The following MARCHF11 variants were observed in gnomAD, a reference collection of about 807,000 sequenced individuals.
MARCHF11 encodes the protein membrane associated ring-CH-type finger 11.
A neutral mutation model predicts 37.3 loss-of-function variants in MARCHF11; 29 were observed. The observed-to-expected ratio is 0.78, with a 90% CI of 0.58 to 1.06. The LOEUF is 1.06. Ranked by LOEUF, MARCHF11 falls within the 50% of genes least tolerant of loss-of-function variation. The pLI, the probability that MARCHF11 is intolerant of heterozygous loss-of-function variation, is 0.00. For synonymous variants in MARCHF11, 233 were observed against 228.0 expected, an observed-to-expected ratio of 1.02 and a Z score of -0.20; for missense variants, 482 against 533.4, an observed-to-expected ratio of 0.90 and a Z score of 0.95.
chr5:16,085,701 C>T (rs1579678533), intron 3 of MARCHF11, among the ~76,000 whole-genome samples: 1 of 151,934 alleles, frequency 6.6e-6, no homozygotes, highest in African/African-American at 2.4e-5. Context: ...GCCTGTAATG[C>T]CAGCACTTTG....
chr5:16,178,437 CTCATA>C (rs1321769206), intron 1 of MARCHF11, among the ~76,000 whole-genome samples: 2 of 152,206 alleles, frequency 1.3e-5, no homozygotes, highest in African/African-American at 4.8e-5. Context: ...CATGATTACT[CTCATA>C]TAAGTTTGCA....
At chr5:16,156,642 T>C (rs1737981170) in intron 2 of MARCHF11, among the ~76,000 whole-genome samples, 1 of 151,926 alleles carries the variant, frequency 6.6e-6, no homozygotes, top group African/African-American at 2.4e-5. Flanking sequence ...CAATATTTAA[T>C]AATAATATGG....
chr5:16,117,835 C>G (rs1271408100), intron 2 of MARCHF11, among the ~76,000 whole-genome samples: 1 of 152,228 alleles, frequency 6.6e-6, no homozygotes, highest in Admixed American at 6.5e-5. Context: ...TGCTCAGACA[C>G]TGCTGAAAAG....
chr5:16,081,743 G>T (rs75536484), intron 3 of MARCHF11, among the ~76,000 whole-genome samples: 4,133 of 152,268 alleles, frequency 0.027, 173 homozygotes, highest in African/African-American at 0.094. Context: ...TATTTGGTCT[G>T]CTGTTCTGCT....
At chr5:16,170,131 C>T (rs1275205098) in intron 2 of MARCHF11, among the ~76,000 whole-genome samples, 13 of 152,128 alleles carry the variant, frequency 8.5e-5, no homozygotes, top group Admixed American at 8.5e-4. Context: ...AGCCAGGTGG[C>T]AGATTTCACA....
intron 1 of MARCHF11, 24 bp downstream of exon 1, chr5:16,179,015 C>T (rs919157374): frequency 4.2e-6 from 6 of 1,422,514 alleles, no homozygotes; most frequent in African/African-American, 1.5e-5. Context: ...CCACCGGCTG[C>T]CTCGGGGTCT....
chr5:16,148,928 T>C lies in MARCHF11; in HGVS notation c.693+28798A>G, dbSNP rs1340810315. Among the ~76,000 whole-genome samples, 10 of 152,116 alleles carry C rather than the reference T, an allele frequency of 6.6e-5. No homozygotes were observed. The South Asian group carries it at 8.3e-4, about 13-fold the overall frequency. On this transcript the variant is annotated intron_variant, in intron 2 of 3. Coordinates refer to ENST00000332432, the MANE Select transcript of MARCHF11 (RefSeq NM_001102562.3). Reference sequence around the variant, plus strand: ...ATAAATTTCTCAAAAGAAAGGAACATTTTGAAAAACTATCTTTCATTTGAT... The same window carrying C: ...ATAAATTTCTCAAAAGAAAGGAACACTTTGAAAAACTATCTTTCATTTGAT...
chr5:16,110,390 A>G (rs1737116754), intron 2 of MARCHF11, among the ~76,000 whole-genome samples: 1 of 152,170 alleles, frequency 6.6e-6, no homozygotes, highest in Admixed American at 6.5e-5. Flanking sequence ...AATGCTGGAG[A>G]CTGACCAGTC....
chr5:16,131,133 T>C (rs9312906), intron 2 of MARCHF11, among the ~76,000 whole-genome samples: 6,770 of 152,270 alleles, frequency 0.044, 432 homozygotes, highest in African/African-American at 0.15. Context: ...GAAAGTGCTA[T>C]AACAGTTCAA....
chr5:16,144,832 C>T (rs370676770), intron 2 of MARCHF11, among the ~76,000 whole-genome samples: 21 of 152,236 alleles, frequency 1.4e-4, no homozygotes, highest in Non-Finnish European at 2.5e-4. Context: ...TAAGTAGGAA[C>T]GTGGGGATAG....
At chr5:16,087,223 T>C (rs1400741369) in intron 3 of MARCHF11, among the ~76,000 whole-genome samples, 2 of 152,260 alleles carry the variant, frequency 1.3e-5, no homozygotes, top group African/African-American at 2.4e-5. Flanking sequence ...ATTTGATCCA[T>C]AGAAGTATTC....
rs376260809 is a variant in MARCHF11 at position 16,168,295 on chromosome 5, C to A, written c.693+9431G>T. On this transcript the variant is annotated intron_variant, in intron 2 of 3. Coordinates refer to ENST00000332432, the MANE Select transcript of MARCHF11 (RefSeq NM_001102562.3). ...TCATCACCCATCCTTATATGTTTCA[C>A]CAAATCAAAATTTTTCCAATATCAA... Among the ~76,000 whole-genome samples, 37 of 152,170 alleles carry A rather than the reference C, an allele frequency of 2.4e-4. No individual in the cohort carries two copies. In the South Asian group the frequency reaches 6.0e-3, roughly 25 times the overall value.
intron 3 of MARCHF11, among the ~76,000 whole-genome samples, chr5:16,086,282 G>A (rs142407109): frequency 6.6e-6 from 1 of 152,230 alleles, no homozygotes; most frequent in African/African-American, 2.4e-5. Flanking sequence ...AAAAAATCTG[G>A]ATGATAAACA....
intron 2 of MARCHF11, among the ~76,000 whole-genome samples, chr5:16,124,454 G>A (rs1294351478): frequency 6.6e-6 from 1 of 152,182 alleles, no homozygotes; most frequent in Non-Finnish European, 1.5e-5. Context: ...GTGGGGACAG[G>A]ATTTCAGGGA....
At chr5:16,166,476 T>C (rs1052935081) in intron 2 of MARCHF11, among the ~76,000 whole-genome samples, 3 of 138,204 alleles carry the variant, frequency 2.2e-5, no homozygotes, top group East Asian at 4.3e-4. Context: ...AGTACATTGA[T>C]ATAAACTCAT....
intron 2 of MARCHF11, among the ~76,000 whole-genome samples, chr5:16,112,851 C>T (rs1480273847): frequency 6.6e-6 from 1 of 152,126 alleles, no homozygotes; most frequent in African/African-American, 2.4e-5. Context: ...TTCCCCCATA[C>T]TGTTCTTGTG....
chr5:16,146,245 A>G (rs914326112), intron 2 of MARCHF11, among the ~76,000 whole-genome samples: 2 of 152,166 alleles, frequency 1.3e-5, no homozygotes, highest in African/African-American at 2.4e-5. Flanking sequence ...CAGTGTCCCT[A>G]TGACCTCTCG....
At chr5:16,130,420 T>C (rs1467644091) in intron 2 of MARCHF11, among the ~76,000 whole-genome samples, 1 of 152,160 alleles carries the variant, frequency 6.6e-6, no homozygotes, top group Non-Finnish European at 1.5e-5. Flanking sequence ...TGATTTAAAA[T>C]GTGCTGGTGA....
intron 2 of MARCHF11, among the ~76,000 whole-genome samples, chr5:16,159,670 T>C (rs1400639303): frequency 6.6e-6 from 1 of 151,998 alleles, no homozygotes; most frequent in African/African-American, 2.4e-5. Flanking sequence ...ATTTCTTTTT[T>C]ATTTTCAGTT....
Sources: gnomAD v4.1 joint callset for allele counts (sites outside exome capture counted in the v4.1 genomes callset) on GRCh38, gnomAD v4.1.1 for gene constraint, MANE v1.5 for transcripts, NCBI Gene and HGNC (gene_info 2026-07-23, HGNC 2026-07-21) for gene names.